The following DSTN variants were observed in gnomAD, a reference collection of about 807,000 sequenced individuals.
DSTN encodes destrin, actin depolymerizing factor.
DSTN carries 10 observed loss-of-function variants against 16.8 expected under a neutral mutation model. That is an observed-to-expected ratio of 0.60 (90% confidence interval 0.37 to 1.01). The LOEUF is 1.01. DSTN is among the 50% of genes least tolerant of loss of function. DSTN has a pLI of 0.01. For missense variants in DSTN, 141 were observed against 196.7 expected (o/e 0.72, Z 1.69); for synonymous variants, 57 against 58.9 (o/e 0.97, Z 0.14).
chr20:17,573,146 A>G (rs1456392757), intron 1 of DSTN, among the ~76,000 whole-genome samples: 1 of 152,258 alleles, frequency 6.6e-6, no homozygotes, highest in Non-Finnish European at 1.5e-5. Context: ...CACAGAGCTC[A>G]GGTAAAGTTC....
chr20:17,595,347 A>AC (rs1256034283), intron 1 of DSTN, among the ~76,000 whole-genome samples: 1 of 152,242 alleles, frequency 6.6e-6, no homozygotes, highest in East Asian at 1.9e-4. Context: ...TTTCAGACAC[A>AC]ATTTTTGGCA....
At position 17,607,878 on chromosome 20, in the gene DSTN, T is replaced by C. The variant is rs756924391; in HGVS notation, c.*732T>C. 6.6e-6 allele frequency: 1 copy of C among 152,258 alleles called. No homozygotes were observed. Among genetic ancestry groups the C allele is most frequent in the Non-Finnish European group, 1.5e-5 (1 of 68,048 alleles). The allele number at this position is 152,258 out of a possible 1,614,324, so 9.4% of individuals were successfully genotyped here. A position where few individuals can be genotyped will look rare whatever the true frequency, so the allele number is the denominator to read the frequency against. ...TATAATGCAAATTAGGGCTACATTG[T>C]AATCTGCTTTGTTAATGAAAATGAT... On this transcript the variant is annotated 3_prime_UTR_variant, in exon 4 of 4. Coordinates refer to ENST00000246069, the MANE Select transcript of DSTN (RefSeq NM_006870.4).
intron 1 of DSTN, chr20:17,596,758 A>G (rs1364511925): frequency 1.0e-6 from 1 of 985,108 alleles, no homozygotes; most frequent in Non-Finnish European, 1.2e-6. Flanking sequence ...AAAAAAGACA[A>G]AATTCTTCCT....
chr20:17,570,127 C>T lies in DSTN; in HGVS notation c.-82C>T, dbSNP rs1282151394. 3.3e-6 allele frequency: 5 copies of T among 1,507,858 alleles called. No individual in the cohort carries two copies. The highest frequency in any genetic ancestry group is 5.5e-5 in the East Asian group (2 of 36,232). 93.4% of individuals were successfully genotyped at this position (1,507,858 alleles called of 1,614,324 possible). The stretch of plus-strand genomic sequence containing the variant: ...TCAGCTCAGCGCTGGGTCTCTCGGT[C>T]CCGCAGCCGTGAGGAGGACGGTCTG... On this transcript the variant is annotated 5_prime_UTR_variant, in exon 1 of 4. Coordinates refer to ENST00000246069, the MANE Select transcript of DSTN (RefSeq NM_006870.4).
At chr20:17,590,264 C>T (rs1474154113) in intron 1 of DSTN, among the ~76,000 whole-genome samples, 1 of 151,932 alleles carries the variant, frequency 6.6e-6, no homozygotes, top group East Asian at 1.9e-4. Flanking sequence ...ATTTACTTCC[C>T]TCTGTGAGTG....
At chr20:17,581,475 C>G (rs1208336053) in intron 1 of DSTN, among the ~76,000 whole-genome samples, 1 of 151,178 alleles carries the variant, frequency 6.6e-6, no homozygotes, top group African/African-American at 2.5e-5. Flanking sequence ...AAAGCGAGAC[C>G]CTGTCCCTAA....
chr20:17,604,418 A>C, intron 2 of DSTN, 137 bp from the exon 3 acceptor site: 1 of 814,514 alleles, frequency 1.2e-6, no homozygotes, highest in East Asian at 2.7e-5. Context: ...GAGGTAGAAA[A>C]AATGTGCAGT....
chr20:17,593,055 T>G (rs2035487208), intron 1 of DSTN, among the ~76,000 whole-genome samples: 1 of 152,238 alleles, frequency 6.6e-6, no homozygotes. Flanking sequence ...GAACCTTCTG[T>G]TGGAGGCCTT....
chr20:17,596,336 AAG>A (rs922053643), intron 1 of DSTN, among the ~76,000 whole-genome samples: 1 of 152,162 alleles, frequency 6.6e-6, no homozygotes, highest in Non-Finnish European at 1.5e-5. Context: ...GGATTAGGTG[AAG>A]CCTTCCAACG....
At chr20:17,606,602 T>C (rs1240574200) in intron 3 of DSTN, among the ~76,000 whole-genome samples, 1 of 152,244 alleles carries the variant, frequency 6.6e-6, no homozygotes. Context: ...CAAATTATTG[T>C]AGAATGTGTT....
Position 17,608,725 on chromosome 20 carries a change from C to T in DSTN, c.*1579C>T, listed in dbSNP as rs1297606056. On this transcript the variant is annotated 3_prime_UTR_variant, in exon 4 of 4. Transcript: ENST00000246069. ...CACTATAAGTGTAATAAATATTATA[C>T]AAAATTATAAATTCACATTTAAAAT... 6.6e-6 allele frequency: 1 copy of T among 151,354 alleles called. No homozygotes were observed. The highest frequency in any genetic ancestry group is 1.5e-5 in the Non-Finnish European group (1 of 67,910). 9.4% of individuals were successfully genotyped at this position (151,354 alleles called of 1,614,324 possible).
chr20:17,598,146 A>G (rs1324909441), intron 1 of DSTN, among the ~76,000 whole-genome samples: 2 of 152,184 alleles, frequency 1.3e-5, no homozygotes, highest in Admixed American at 6.5e-5. Flanking sequence ...TAATGTTACT[A>G]TGAACATTTG....
At chr20:17,594,103 A>C (rs1285809860) in intron 1 of DSTN, among the ~76,000 whole-genome samples, 2 of 151,668 alleles carry the variant, frequency 1.3e-5, no homozygotes, top group Admixed American at 1.3e-4. Context: ...ATAAATAAAT[A>C]AATAAATAAA....
intron 1 of DSTN, among the ~76,000 whole-genome samples, chr20:17,596,967 CT>C (rs1249877283): frequency 1.3e-5 from 2 of 152,166 alleles, no homozygotes; most frequent in East Asian, 3.9e-4. Context: ...GAATATAAGG[CT>C]TTAGATGTTG....
At chr20:17,574,950 G>A (rs1384074565) in intron 1 of DSTN, among the ~76,000 whole-genome samples, 4 of 130,064 alleles carry the variant, frequency 3.1e-5, no homozygotes, top group Non-Finnish European at 6.1e-5. Flanking sequence ...TTGATCTCCT[G>A]GGCTCAAATG....
At chr20:17,574,870 G>GTT (rs533880691) in intron 1 of DSTN, among the ~76,000 whole-genome samples, 6,702 of 81,190 alleles carry the variant, frequency 0.083, 971 homozygotes, top group African/African-American at 0.12. Flanking sequence ...CTTTTCTTTT[G>GTT]TTTTTTTTTT....
intron 1 of DSTN, among the ~76,000 whole-genome samples, chr20:17,589,997 GTGTC>G (rs2035452338): frequency 6.6e-6 from 1 of 152,178 alleles, no homozygotes. Context: ...CCAAGGTCAG[GTGTC>G]TGTCTTGAGT....
chr20:17,580,735 T>G, intron 1 of DSTN, among the ~76,000 whole-genome samples: 1 of 144,282 alleles, frequency 6.9e-6, no homozygotes. Flanking sequence ...GGGACAAGAG[T>G]GAAACTCCGT....
intron 1 of DSTN, among the ~76,000 whole-genome samples, chr20:17,579,890 T>G (rs931711978): frequency 6.6e-6 from 1 of 152,278 alleles, no homozygotes; most frequent in Non-Finnish European, 1.5e-5. Flanking sequence ...GAGAGCTTGC[T>G]GCTGGTGCAG....
Sources: allele counts gnomAD v4.1 joint callset (sites outside exome capture counted in the v4.1 genomes callset), GRCh38; gene constraint gnomAD v4.1.1; transcripts MANE v1.5; gene names NCBI Gene and HGNC (gene_info 2026-07-23, HGNC 2026-07-21).